Variants in COX16 observed in about 807,000 individuals in gnomAD.
COX16 encodes the protein cytochrome c oxidase assembly protein COX16 homolog, mitochondrial.
Under a neutral mutation model 15.4 loss-of-function variants are expected in COX16, and 12 were observed. The ratio of observed to expected loss-of-function variants is 0.78; its 90% CI spans 0.50 to 1.26. The LOEUF (loss-of-function observed/expected upper bound fraction) is 1.26, where lower values mean the gene tolerates loss of function less well. COX16 is among the 50% of genes most tolerant of loss of function. The pLI is 0.00. For synonymous variants in COX16, 46 were observed against 41.1 expected (o/e 1.12, Z -0.46); for missense variants, 124 against 127.6 (o/e 0.97, Z 0.14).
At chr14:70,358,388 T>A (rs967233714) in intron 1 of COX16, among the ~76,000 whole-genome samples, 13 of 147,336 alleles carry the variant, frequency 8.8e-5, no homozygotes, top group Non-Finnish European at 1.2e-4. Flanking sequence ...TTTTTTTTTT[T>A]TTTTTTGGAG....
At chr14:70,335,328 A>G (rs920245731) in intron 2 of COX16, among the ~76,000 whole-genome samples, 1 of 152,134 alleles carries the variant, frequency 6.6e-6, no homozygotes, top group Non-Finnish European at 1.5e-5. Context: ...TTAAAGTTAA[A>G]CTCTACCCTA....
At chr14:70,336,719 G>T (rs919225617) in intron 2 of COX16, among the ~76,000 whole-genome samples, 5 of 152,124 alleles carry the variant, frequency 3.3e-5, no homozygotes, top group African/African-American at 1.2e-4. Context: ...AATTTTTAGT[G>T]CTAATTTTGA....
intron 1 of COX16, among the ~76,000 whole-genome samples, chr14:70,346,110 C>T (rs190855885): frequency 6.6e-6 from 1 of 152,264 alleles, no homozygotes; most frequent in African/African-American, 2.4e-5. Context: ...TGTTAACCCT[C>T]CTTCCCCCTT....
intron 1 of COX16, among the ~76,000 whole-genome samples, chr14:70,349,190 T>C (rs568413585): frequency 6.6e-6 from 1 of 152,286 alleles, no homozygotes; most frequent in Admixed American, 6.5e-5. Flanking sequence ...GTTCAAGATA[T>C]TACCCAGTCC....
At chr14:70,358,260 T>A (rs1439624779) in intron 1 of COX16, among the ~76,000 whole-genome samples, 2 of 152,080 alleles carry the variant, frequency 1.3e-5, no homozygotes. Context: ...TTATGATGCT[T>A]TTTTGGGGGC....
At chr14:70,344,662 T>C (rs1378172107) in intron 1 of COX16, among the ~76,000 whole-genome samples, 1 of 152,164 alleles carries the variant, frequency 6.6e-6, no homozygotes, top group East Asian at 1.9e-4. Flanking sequence ...TGTAAGATTC[T>C]CCCTGGGACC....
chr14:70,327,177 T>TAGCTTAGAAAACAC (rs1886108073), intron 3 of COX16, among the ~76,000 whole-genome samples: 2 of 152,294 alleles, frequency 1.3e-5, no homozygotes, highest in East Asian at 3.9e-4. Flanking sequence ...TGTGAAAACA[T>TAGCTTAGAAAACAC]AGGATAGCTT....
At chr14:70,344,657 G>C (rs1226778271) in intron 1 of COX16, among the ~76,000 whole-genome samples, 1 of 152,170 alleles carries the variant, frequency 6.6e-6, no homozygotes, top group African/African-American at 2.4e-5. Flanking sequence ...AATAGTGTAA[G>C]ATTCTCCCTG....
Position 70,349,520 on chromosome 14 carries a change from G to A in COX16, c.70-6791C>T, listed in dbSNP as rs568347797. 6.6e-5 allele frequency among the ~76,000 whole-genome samples: 10 copies of A among 152,174 alleles called. No individual in the cohort carries two copies. In the South Asian group the frequency reaches 8.3e-4, roughly 13 times the overall value. ...GCCAAATTATCCAAGGCGTCTCTACGTCCTTAAGAATAAAGTAGGTTCTCC... is the reference window on the plus strand; with the variant it reads ...GCCAAATTATCCAAGGCGTCTCTACATCCTTAAGAATAAAGTAGGTTCTCC... On this transcript the variant is annotated intron_variant, in intron 1 of 3. Transcript: ENST00000389912.
Position 70,359,535 on chromosome 14 carries a change from T to G in COX16, c.53A>C (p.Tyr18Ser). 6.2e-7 allele frequency: 1 copy of G among 1,614,020 alleles called. No homozygotes were observed. The highest frequency in any genetic ancestry group is 8.5e-7 in the Non-Finnish European group (1 of 1,179,894). The stretch of plus-strand genomic sequence containing the variant: ...TCCACTCACCAACATGGGGACTCCA[T>G]AGCCGAGAGTCTTGTTCTTGCGAAA... ...RAFRKNKTLG[Y>S]GVPMLLLIVG... Residue 18 changes from tyrosine to serine, a missense_variant, in exon 1 of 4, where the codon TAT (tyrosine) becomes TCT (serine). Transcript: ENST00000389912.
intron 1 of COX16, among the ~76,000 whole-genome samples, chr14:70,346,677 AT>A (rs796461945): frequency 4.0e-5 from 6 of 149,908 alleles, no homozygotes; most frequent in Admixed American, 1.3e-4. Flanking sequence ...GTAGGCCAGT[AT>A]TTTTTTTTTA....
chr14:70,329,715 ATC>A (rs1886218227), intron 2 of COX16, among the ~76,000 whole-genome samples: 1 of 114,386 alleles, frequency 8.7e-6, no homozygotes, highest in African/African-American at 3.1e-5. Context: ...AGAAGTAGAT[ATC>A]TACCAAAAAA....
chr14:70,354,171 A>T (rs1887054494), intron 1 of COX16, among the ~76,000 whole-genome samples: 1 of 151,918 alleles, frequency 6.6e-6, no homozygotes, highest in Non-Finnish European at 1.5e-5. Context: ...TAATAATAAT[A>T]AATAAAACTT....
chr14:70,337,911 A>G (rs1362884099), intron 2 of COX16, among the ~76,000 whole-genome samples: 1 of 142,526 alleles, frequency 7.0e-6, no homozygotes, highest in Admixed American at 6.8e-5. Context: ...ATAAAGTACA[A>G]AAAAAAAATG....
intron 1 of COX16, among the ~76,000 whole-genome samples, chr14:70,350,899 C>T (rs1886934014): frequency 6.6e-6 from 1 of 152,198 alleles, no homozygotes; most frequent in Non-Finnish European, 1.5e-5. Flanking sequence ...AATGCTGTAT[C>T]TCAAAGCAGC....
At chr14:70,332,515 G>C (rs1306088480) in intron 2 of COX16, among the ~76,000 whole-genome samples, 1 of 152,212 alleles carries the variant, frequency 6.6e-6, no homozygotes, top group Non-Finnish European at 1.5e-5. Flanking sequence ...CTCAGTTCTA[G>C]CCTCTCCTGC....
intron 2 of COX16, 69 bp downstream of exon 2, chr14:70,342,589 T>C (rs528689625): frequency 1.3e-6 from 2 of 1,490,836 alleles, no homozygotes; most frequent in East Asian, 4.6e-5. Flanking sequence ...GTATACTGAG[T>C]ATACAATTCT....
intron 3 of COX16, 127 bp from the exon 4 acceptor site, chr14:70,326,576 C>A: frequency 1.8e-6 from 1 of 554,516 alleles, no homozygotes; most frequent in Non-Finnish European, 2.7e-6. Context: ...ACAACTGTAG[C>A]AAATAAATCA....
chr14:70,344,723 G>A (rs1488674805), intron 1 of COX16, among the ~76,000 whole-genome samples: 7 of 152,124 alleles, frequency 4.6e-5, no homozygotes, highest in African/African-American at 1.7e-4. Flanking sequence ...CCAGTCCCAA[G>A]GCACAAGGCT....
Sources: gnomAD v4.1 joint callset for allele counts (sites outside exome capture counted in the v4.1 genomes callset) on GRCh38, gnomAD v4.1.1 for gene constraint, MANE v1.5 for transcripts, NCBI Gene and HGNC (gene_info 2026-07-23, HGNC 2026-07-21) for gene names.